The following UBR4 variants were observed in gnomAD, a reference collection of about 807,000 sequenced individuals.
UBR4 encodes the protein E3 ubiquitin-protein ligase UBR4.
UBR4 carries 124 observed loss-of-function variants against 575.6 expected under a neutral mutation model. The ratio of observed to expected loss-of-function variants is 0.22; its 90% CI spans 0.19 to 0.25. The LOEUF (loss-of-function observed/expected upper bound fraction) is 0.25, where lower values mean the gene tolerates loss of function less well. Among genes scored for constraint, UBR4 ranks in the 10% least tolerant of loss-of-function variants. UBR4 has a pLI of 1.00. For missense variants in UBR4, 4,818 were observed against 6,478.8 expected (o/e 0.74, Z 8.80); for synonymous variants, 2,455 against 2,473.7 (o/e 0.99, Z 0.22).
intron 81 of UBR4, among the ~76,000 whole-genome samples, chr1:19,109,848 A>G (rs1050247466): frequency 3.3e-5 from 5 of 152,258 alleles, no homozygotes; most frequent in African/African-American, 1.2e-4. Context: ...ATGACTGGAA[A>G]GAGTTCATCC....
intron 1 of UBR4, among the ~76,000 whole-genome samples, chr1:19,205,531 T>C (rs1416945158): frequency 6.6e-6 from 1 of 152,190 alleles, no homozygotes; most frequent in African/African-American, 2.4e-5. Context: ...GTCTTTCAGA[T>C]ACTTCCCTCA....
intron 92 of UBR4, among the ~76,000 whole-genome samples, chr1:19,096,317 T>A (rs758394243): frequency 2.0e-5 from 3 of 152,136 alleles, no homozygotes; most frequent in Non-Finnish European, 4.4e-5. Flanking sequence ...TAGAGAGGTA[T>A]TGGAGAAGGG....
chr1:19,121,592 G>C lies in UBR4; in HGVS notation c.9896-158C>G, dbSNP rs530615711. 4.6e-5 allele frequency among the ~76,000 whole-genome samples: 7 copies of C among 152,286 alleles called. No individual in the cohort carries two copies. In the East Asian group the frequency reaches 1.4e-3, roughly 29 times the overall value. On this transcript the variant is annotated intron_variant, in intron 67 of 105. Coordinates refer to ENST00000375254, the MANE Select transcript of UBR4 (RefSeq NM_020765.3). Reference sequence around the variant, plus strand: ...ACATTGTGAAGAAGTTATACTTTCTGTGGAAATCTCTGAAAAGTATTTTAA... The same window carrying C: ...ACATTGTGAAGAAGTTATACTTTCTCTGGAAATCTCTGAAAAGTATTTTAA...
At chr1:19,082,640 G>T (rs77213104) in intron 102 of UBR4, among the ~76,000 whole-genome samples, 2 of 152,052 alleles carry the variant, frequency 1.3e-5, no homozygotes, top group Non-Finnish European at 2.9e-5. Flanking sequence ...CACTAGAACC[G>T]GGAAAAAAAA....
intron 25 of UBR4, 90 bp downstream of exon 25, chr1:19,172,774 G>A: frequency 2.2e-6 from 3 of 1,368,496 alleles, no homozygotes; most frequent in East Asian, 4.6e-5. Context: ...CTAAGCTGAA[G>A]AAAGAGAAAA....
chr1:19,108,466 C>T (rs1251218445), intron 81 of UBR4, among the ~76,000 whole-genome samples: 1 of 152,090 alleles, frequency 6.6e-6, no homozygotes, highest in Non-Finnish European at 1.5e-5. Flanking sequence ...TTTCTCAGCA[C>T]AACTGCTGTA....
Position 19,141,652 on chromosome 1 carries a change from T to G in UBR4, c.8305A>C (p.Met2769Leu). 1 of 1,614,076 alleles carries G rather than the reference T, an allele frequency of 6.2e-7. No homozygotes were observed. The highest frequency in any genetic ancestry group is 8.5e-7 in the Non-Finnish European group (1 of 1,179,948). The change falls in exon 56 of 106, where the codon ATG becomes CTG. Residue 2769 changes from methionine to leucine, a missense_variant. Met to Leu is a conservative substitution (Grantham distance 15). This residue lies in a region of UBR4 where 129 missense variants were observed against 198.4 expected (regional missense o/e 0.65). Coordinates refer to ENST00000375254, the MANE Select transcript of UBR4 (RefSeq NM_020765.3). ...TCCTGCTGCCAGAGACTCACCACCA[T>G]CTCAAAATCTCCATGGTCCACCTCA... ...QSEVDHGDFE[M>L]VSESMVLETA...
chr1:19,203,224 T>C (rs1438440942), intron 1 of UBR4, among the ~76,000 whole-genome samples: 1 of 152,052 alleles, frequency 6.6e-6, no homozygotes, highest in African/African-American at 2.4e-5. Flanking sequence ...GGACGCATTG[T>C]AGCTGGTGGC....
intron 21 of UBR4, 117 bp from the exon 22 acceptor site, chr1:19,174,564 T>A: frequency 1.4e-6 from 2 of 1,393,502 alleles, no homozygotes; most frequent in Non-Finnish European, 9.7e-7. Context: ...TCATAATCAT[T>A]AATTTCTCCT....
intron 71 of UBR4, 147 bp from the exon 72 acceptor site, chr1:19,118,057 G>T: frequency 1.5e-6 from 1 of 658,940 alleles, no homozygotes; most frequent in Non-Finnish European, 2.6e-6. Context: ...CAAGGACACA[G>T]GAGAAATCCC....
At position 19,084,623 on chromosome 1, in the gene UBR4, C is replaced by T; in HGVS notation, c.14889G>A (p.Leu4963=). ...TYQLNIHDIK[L]LFLRFAMEQS... ...GCTCCATGGCGAAGCGCAGGAAGAG[C>T]AGTTTGATGTCATGGATGTTGAGCT... Residue 4963 remains leucine (L), a synonymous_variant, in exon 102 of 106, where the codon CTG becomes CTA. Transcript: ENST00000375254. The T allele has an allele frequency of 1.9e-6, 3 of 1,614,156 alleles. No homozygotes were observed. The South Asian group carries it at 3.3e-5, about 18-fold the overall frequency.
chr1:19,192,106 A>G, intron 11 of UBR4, 82 bp downstream of exon 11: 6 of 1,497,320 alleles, frequency 4.0e-6, no homozygotes, highest in African/African-American at 2.8e-5. Flanking sequence ...TCCTATTGAT[A>G]TGAAGTCATA....
chr1:19,202,142 G>A (rs1427342661), intron 1 of UBR4, among the ~76,000 whole-genome samples: 3 of 152,030 alleles, frequency 2.0e-5, no homozygotes, highest in Non-Finnish European at 2.9e-5. Flanking sequence ...GCAGTGAGCC[G>A]ATATTGAACC....
Position 19,113,833 on chromosome 1 carries a change from AC to A in UBR4, c.11329-7del. 6.2e-7 allele frequency: 1 copy of A among 1,614,156 alleles called. No individual in the cohort carries two copies. Among genetic ancestry groups the A allele is most frequent in the Non-Finnish European group, 8.5e-7 (1 of 1,180,000 alleles). ...CCTGCTGTTCCTGAGTCATCCTGCA[AC>A]CCCAAGAGGTAAGCTGTCAGGCTCC... On this transcript the variant is annotated splice_region_variant and splice_polypyrimidine_tract_variant and intron_variant, in intron 76 of 105. Coordinates refer to ENST00000375254, the MANE Select transcript of UBR4 (RefSeq NM_020765.3).
At position 19,081,329 on chromosome 1, in the gene UBR4, T is replaced by C; in HGVS notation, c.15233+20A>G. 6.4e-7 allele frequency: 1 copy of C among 1,553,312 alleles called. No homozygotes were observed. The highest frequency in any genetic ancestry group is 1.4e-5 in the African/African-American group (1 of 72,390). ...ATGATGGGAAATAGTGAGCAGCAGC[T>C]TCCGGAAGCAGGTACTGACCTGGTG... On this transcript the variant is annotated intron_variant, in intron 103 of 105. Transcript: ENST00000375254.
intron 64 of UBR4, among the ~76,000 whole-genome samples, chr1:19,126,067 A>G (rs1405693575): frequency 1.3e-5 from 2 of 152,190 alleles, no homozygotes; most frequent in Non-Finnish European, 2.9e-5. Flanking sequence ...ATCTGATCAG[A>G]AGGCCCATCT....
In UBR4 at chr1:19,182,101, C is replaced by T. The variant is rs569246579; in HGVS notation, c.2184+1710G>A. 5.9e-4 allele frequency among the ~76,000 whole-genome samples: 90 copies of T among 152,290 alleles called. 2 individuals are homozygous for T. Among genetic ancestry groups the T allele is most frequent in the Non-Finnish European group, 1.1e-3 (77 of 68,016 alleles). ...TGACTAATTTAGTATCATGTCTTTA[C>T]GGTTTATCCATGTTGTAGCATGTGT... On this transcript the variant is annotated intron_variant, in intron 17 of 105. Transcript: ENST00000375254.
Position 19,161,914 on chromosome 1 carries a change from T to A in UBR4, c.4957-17A>T. The A allele has an allele frequency of 6.2e-7, 1 of 1,613,714 alleles. No individual in the cohort carries two copies. Among genetic ancestry groups the A allele is most frequent in the South Asian group, 1.1e-5 (1 of 91,072 alleles). On this transcript the variant is annotated splice_polypyrimidine_tract_variant and intron_variant, in intron 35 of 105. Transcript: ENST00000375254. ...ATCTTCATCCTTCAAAAATAATAAG[T>A]CTTTTTAATTCGAAATATATCCCTG...
intron 25 of UBR4, among the ~76,000 whole-genome samples, chr1:19,171,331 G>A (rs2089503992): frequency 6.6e-6 from 1 of 152,194 alleles, no homozygotes; most frequent in African/African-American, 2.4e-5. Flanking sequence ...AATTCCCAGA[G>A]GGCAATGACT....
Sources: gnomAD v4.1 joint callset for allele counts (sites outside exome capture counted in the v4.1 genomes callset) on GRCh38, gnomAD v4.1.1 for gene constraint, gnomAD v4.1.1 regional missense constraint, MANE v1.5 for transcripts, NCBI Gene and HGNC (gene_info 2026-07-23, HGNC 2026-07-21) for gene names.